RPL10: variants seen among roughly 807,000 people sequenced by gnomAD.
RPL10 encodes the protein large ribosomal subunit protein uL16.
RPL10 carries 1 observed loss-of-function variant against 15.7 expected under a neutral mutation model. The ratio of observed to expected loss-of-function variants is 0.06; its 90% CI spans 0.02 to 0.30. The LOEUF is 0.30. Among genes scored for constraint, RPL10 ranks in the 10% least tolerant of loss-of-function variants. RPL10 has a pLI of 1.00. For synonymous variants in RPL10, 59 were observed against 64.0 expected (o/e 0.92, Z 0.37); for missense variants, 54 against 183.4 (o/e 0.29, Z 4.08).
intron 3 of RPL10, 35 bp downstream of exon 3, chrX:154,399,431 C>G (rs782056890): frequency 8.3e-7 from 1 of 1,207,427 alleles, no homozygotes; most frequent in East Asian, 3.0e-5. Context: ...CTGGTTGGCT[C>G]TGCGGACTCC....
intron 2 of RPL10, 129 bp downstream of exon 2, chrX:154,398,671 T>C: frequency 1.3e-6 from 1 of 791,314 alleles, no homozygotes; most frequent in African/African-American, 2.0e-5. Context: ...ACTGACCCTA[T>C]GTTTTACACC....
Position 154,400,684 on chromosome X carries a change from C to T in RPL10, c.493-18C>T. 8.3e-7 allele frequency: 1 copy of T among 1,211,308 alleles called. No individual in the cohort carries two copies. Reference sequence around the variant, plus strand: ...TTGCCCCAGGCCTCCTGACTCAGTTCTTTCCATTGCTCCTTAGATCCACAT... The same window carrying T: ...TTGCCCCAGGCCTCCTGACTCAGTTTTTTCCATTGCTCCTTAGATCCACAT... On this transcript the variant is annotated intron_variant, in intron 6 of 6. Transcript: ENST00000369817.
Position 154,401,515 on chromosome X carries a change from G to A in RPL10, c.*661G>A, listed in dbSNP as rs782181908. The A allele has an allele frequency of 1.7e-5, 2 of 119,845 alleles. No individual in the cohort carries two copies. Among genetic ancestry groups the A allele is most frequent in the Non-Finnish European group, 3.5e-5 (2 of 57,478 alleles). 9.9% of individuals were successfully genotyped at this position (119,845 alleles called of 1,213,427 possible). On this transcript the variant is annotated 3_prime_UTR_variant, in exon 7 of 7. Transcript: ENST00000369817. Reference sequence around the variant, plus strand: ...TGTAACAAGACCTCGGAACAGACACGTGTGTGGCATGGTTTGGCCTGGGGA... The same window carrying A: ...TGTAACAAGACCTCGGAACAGACACATGTGTGGCATGGTTTGGCCTGGGGA...
At position 154,399,414 on chromosome X, in the gene RPL10, C is replaced by T; in HGVS notation, c.82+18C>T. 1 of 1,210,735 alleles carries T rather than the reference C, an allele frequency of 8.3e-7. No homozygotes were observed. Among genetic ancestry groups the T allele is most frequent in the Non-Finnish European group, 1.1e-6 (1 of 894,395 alleles). ...TGTCCCTGGTAAGTAGTGGAAGAGCCCCTGCACTGGTTGGCTCTGCGGACT... is the reference window on the plus strand; with the variant it reads ...TGTCCCTGGTAAGTAGTGGAAGAGCTCCTGCACTGGTTGGCTCTGCGGACT... On this transcript the variant is annotated intron_variant, in intron 3 of 6. Transcript: ENST00000369817.
intron 2 of RPL10, 112 bp downstream of exon 2, chrX:154,398,654 C>G: frequency 1.1e-6 from 1 of 935,409 alleles, no homozygotes; most frequent in African/African-American, 1.9e-5. Flanking sequence ...GCGGCCCTGT[C>G]TTGGGAACTG....
chrX:154,398,634 C>A (rs2067959275), intron 2 of RPL10, 92 bp downstream of exon 2: 1 of 1,098,468 alleles, frequency 9.1e-7, no homozygotes, highest in East Asian at 3.0e-5. Context: ...GGTGGAGCCT[C>A]CCCCGTGCGG....
rs782527091 is a variant in RPL10, at chrX:154,400,688, C to A, written c.493-14C>A. The A allele has an allele frequency of 1.7e-6, 2 of 1,209,593 alleles. No individual in the cohort carries two copies. The highest frequency in any genetic ancestry group is 2.2e-6 in the Non-Finnish European group (2 of 894,914). On this transcript the variant is annotated splice_polypyrimidine_tract_variant and intron_variant, in intron 6 of 6. Transcript: ENST00000369817. ...CCCAGGCCTCCTGACTCAGTTCTTT[C>A]CATTGCTCCTTAGATCCACATCTCA...
In RPL10 at chrX:154,398,494, C is replaced by T; in HGVS notation, c.-23-3C>T. ...CGTTCCGACTCTCTCTTTTTCGTTG[C>T]AGCCACTGAAGATCCTGGTGTCGCC... On this transcript the variant is annotated splice_polypyrimidine_tract_variant and splice_region_variant and intron_variant, in intron 1 of 6. Coordinates refer to ENST00000369817, the MANE Select transcript of RPL10 (RefSeq NM_006013.5). 2 of 1,211,135 alleles carry T rather than the reference C, an allele frequency of 1.7e-6. No homozygotes were observed. The highest frequency in any genetic ancestry group is 2.2e-6 in the Non-Finnish European group (2 of 895,082).
intron 2 of RPL10, 186 bp downstream of exon 2, chrX:154,398,728 C>G (rs1258984413): frequency 1.9e-6 from 1 of 528,168 alleles, no homozygotes; most frequent in African/African-American, 2.3e-5. Flanking sequence ...TTCCTTCGTT[C>G]CCGTGTCGGT....
rs1293157256 is a variant in RPL10 at position 154,402,103 on chromosome X, T to C, written c.*1249T>C. On this transcript the variant is annotated 3_prime_UTR_variant, in exon 7 of 7. Coordinates refer to ENST00000369817, the MANE Select transcript of RPL10 (RefSeq NM_006013.5). ...ACTTTACCAGGCATGCAGAAGCCTG[T>C]ACCAACACAGACTACAGCACCCAGG... is the stretch of plus-strand genomic sequence containing the variant. The C allele has an allele frequency of 8.8e-6, 1 of 114,183 alleles. No homozygotes were observed. Among genetic ancestry groups the C allele is most frequent in the Non-Finnish European group, 1.8e-5 (1 of 54,329 alleles). 9.4% of individuals were successfully genotyped at this position (114,183 alleles called of 1,213,427 possible).
chrX:154,400,775 G>A lies in RPL10; in HGVS notation c.566G>A (p.Arg189Gln), dbSNP rs781980424. 1.2e-5 allele frequency: 14 copies of A among 1,209,842 alleles called. No homozygotes were observed. The highest frequency in any genetic ancestry group is 8.7e-5 in the Admixed American group (4 of 45,818). Residue 189 changes from arginine (R) to glutamine (Q), a missense_variant, in exon 7 of 7, where the codon CGG becomes CAG. By Grantham distance (43) the Arg-to-Gln change is conservative. Coordinates refer to ENST00000369817, the MANE Select transcript of RPL10 (RefSeq NM_006013.5). ...DEFEDMVAEK[R>Q]LIPDGCGVKY... Reference sequence around the variant, plus strand: ...TTTGAAGACATGGTGGCTGAAAAGCGGCTCATCCCAGATGGCTGTGGGGTC... The same window carrying A: ...TTTGAAGACATGGTGGCTGAAAAGCAGCTCATCCCAGATGGCTGTGGGGTC...
At chrX:154,398,373 G>A (rs782661383), upstream of RPL10, 3 of 725,663 alleles carry the variant, frequency 4.1e-6, no homozygotes, top group South Asian at 4.2e-5. Context: ...AGGCGGAGGA[G>A]CGCCTCTTTC....
At position 154,401,035 on chromosome X, in the gene RPL10, C is replaced by T; in HGVS notation, c.*181C>T. 8.8e-7 allele frequency: 1 copy of T among 1,142,298 alleles called. No individual in the cohort carries two copies. The highest frequency in any genetic ancestry group is 1.2e-6 in the Non-Finnish European group (1 of 858,693). 94.1% of individuals were successfully genotyped at this position (1,142,298 alleles called of 1,213,427 possible). On this transcript the variant is annotated 3_prime_UTR_variant, in exon 7 of 7. Transcript: ENST00000369817. Reference sequence around the variant, plus strand: ...AGCCCTGCTCATGAGGCAGCAAACCCTGCAAAGGGCTGGGACTGGTGGCCT... The same window carrying T: ...AGCCCTGCTCATGAGGCAGCAAACCTTGCAAAGGGCTGGGACTGGTGGCCT...
chrX:154,398,602 T>C, intron 2 of RPL10, 60 bp downstream of exon 2: 5 of 1,187,006 alleles, frequency 4.2e-6, no homozygotes, highest in Non-Finnish European at 4.6e-6. Context: ...GAAGTGCCTA[T>C]GGCCGCTGAA....
At position 154,398,377 on chromosome X, in the gene RPL10, C is replaced by T. The variant is rs1280018889; in HGVS notation, c.-41C>T. ...AAGCCATGCGCAGGCGGAGGAGCGC[C>T]TCTTTCCCTTCGGTGTGGTGAGTAA... On this transcript the variant is annotated 5_prime_UTR_variant, in exon 1 of 7. Transcript: ENST00000369817. The T allele has an allele frequency of 2.6e-6, 2 of 764,828 alleles. No homozygotes were observed. Among genetic ancestry groups the T allele is most frequent in the African/African-American group, 2.0e-5 (1 of 49,155 alleles). The allele number at this position is 764,828 out of a possible 1,213,427, so 63.0% of individuals were successfully genotyped here. A position where few individuals can be genotyped will look rare whatever the true frequency, so the allele number is the denominator to read the frequency against.
At chrX:154,399,076 A>G (rs1557185093) in intron 2 of RPL10, 9 of 444,808 alleles carry the variant, frequency 2.0e-5, no homozygotes, top group Non-Finnish European at 3.6e-5. Context: ...TAACTAGGAA[A>G]GTTTGTTGCA....
Position 154,399,488 on chromosome X carries a change from T to G in RPL10, c.84T>G (p.Asp28Glu). ...PKSRFCRGVPDAKIRIFDLGR... is the reference protein window; with the variant it reads ...PKSRFCRGVPEAKIRIFDLGR... ...TGCACACTTACCCAATCCTTTTAGA[T>G]GCCAAGATTCGCATTTTTGACCTGG... The change falls in exon 4 of 7, where the codon GAT (aspartate) becomes GAG (glutamate). Residue 28 changes from aspartate (D) to glutamate (E), a missense_variant and splice_region_variant. By Grantham distance (45) the Asp-to-Glu change is conservative. Transcript: ENST00000369817. 4.1e-6 allele frequency: 5 copies of G among 1,212,023 alleles called. No homozygotes were observed. The highest frequency in any genetic ancestry group is 5.6e-6 in the Non-Finnish European group (5 of 895,487).
chrX:154,399,265 TC>T, intron 2 of RPL10, 72 bp from the exon 3 acceptor site: 4 of 1,078,998 alleles, frequency 3.7e-6, no homozygotes, highest in Non-Finnish European at 5.2e-6. Flanking sequence ...TTTGGGTTGT[TC>T]CTTGAGGGGC....
At chrX:154,398,851 G>A (rs1371252081) in intron 2 of RPL10, 6 of 389,599 alleles carry the variant, frequency 1.5e-5, no homozygotes, top group Non-Finnish European at 2.3e-5. Flanking sequence ...TTATTTCCGG[G>A]CGACGTGCCG....
Sources: gnomAD v4.1 joint callset for allele counts on GRCh38, gnomAD v4.1.1 for gene constraint, MANE v1.5 for transcripts, NCBI Gene and HGNC (gene_info 2026-07-23, HGNC 2026-07-21) for gene names.